Variants in PRRC2B observed in about 807,000 individuals in gnomAD.
The protein encoded by PRRC2B is proline rich coiled-coil 2B, also known as protein PRRC2B.
In PRRC2B, 68 loss-of-function variants were observed where a neutral mutation model predicts 242.3. The observed-to-expected ratio is 0.28, with a 90% CI of 0.23 to 0.34. The LOEUF is 0.34. Ranked by LOEUF, PRRC2B falls within the 10% of genes least tolerant of loss-of-function variation. PRRC2B has a pLI of 1.00. For missense variants in PRRC2B, 2,835 were observed against 2,954.8 expected (o/e 0.96, Z 0.94); for synonymous variants, 1,228 against 1,173.6 (o/e 1.05, Z -0.95).
intron 11 of PRRC2B, among the ~76,000 whole-genome samples, chr9:131,463,853 G>A (rs890970896): frequency 6.6e-6 from 1 of 151,588 alleles, no homozygotes; most frequent in Non-Finnish European, 1.5e-5. Flanking sequence ...GGCTGGTCTC[G>A]AGCTCCTAGG....
intron 19 of PRRC2B, among the ~76,000 whole-genome samples, chr9:131,480,222 ACT>A (rs1943818685): frequency 6.6e-6 from 1 of 152,232 alleles, no homozygotes; most frequent in South Asian, 2.1e-4. Context: ...CACCCGAGAC[ACT>A]GAGTTCTGGG....
intron 1 of PRRC2B, among the ~76,000 whole-genome samples, chr9:131,414,700 G>C (rs1195895713): frequency 2.6e-5 from 4 of 151,614 alleles, no homozygotes; most frequent in African/African-American, 9.7e-5. Flanking sequence ...CTCCCAAGTA[G>C]CTGGGACTAC....
rs754297872 is a variant in PRRC2B, at chr9:131,484,719, C to T, written c.5494C>T (p.Arg1832Trp). ...AACACAGAGTATCCCCATCCTGCGG[C>T]GGGACCATCACATCCAGAGGGCCAT... ...GLTQSIPILR[R>W]DHHIQRAIGL... Residue 1832 changes from arginine (R) to tryptophan (W), a missense_variant, in exon 24 of 32, where the codon CGG (arginine) becomes TGG (tryptophan). By Grantham distance (101) the Arg-to-Trp change is moderately radical. Coordinates refer to ENST00000683519, the MANE Select transcript of PRRC2B (RefSeq NM_013318.4). The T allele has an allele frequency of 1.9e-6, 3 of 1,612,652 alleles. No individual in the cohort carries two copies. The highest frequency in any genetic ancestry group is 2.2e-5 in the East Asian group (1 of 44,852).
intron 4 of PRRC2B, 58 bp downstream of exon 4, chr9:131,436,780 T>G: frequency 7.1e-7 from 1 of 1,407,436 alleles, no homozygotes; most frequent in Non-Finnish European, 1.0e-6. Flanking sequence ...CTAAATCTCT[T>G]TGTTGCTGGG....
At chr9:131,432,866 A>AAACT in intron 3 of PRRC2B, 72 bp downstream of exon 3, 7 of 1,513,886 alleles carry the variant, frequency 4.6e-6, no homozygotes, top group Non-Finnish European at 6.3e-6. Flanking sequence ...TCCCTGTGGC[A>AAACT]AACTAACCCT....
chr9:131,460,149 CCA>C (rs1486206961), intron 11 of PRRC2B, among the ~76,000 whole-genome samples: 10 of 152,130 alleles, frequency 6.6e-5, no homozygotes, highest in African/African-American at 2.4e-4. Context: ...GACATTCCAC[CCA>C]GGTAACTACA....
chr9:131,486,042 G>C (rs1400870570), intron 25 of PRRC2B, 43 bp from the exon 26 acceptor site: 1 of 1,315,848 alleles, frequency 7.6e-7, no homozygotes, highest in Non-Finnish European at 1.1e-6. Flanking sequence ...GAAGTAGTGA[G>C]GCTTGATCCT....
chr9:131,400,244 CCTGA>C (rs962291293), intron 1 of PRRC2B, among the ~76,000 whole-genome samples: 12 of 152,114 alleles, frequency 7.9e-5, no homozygotes, highest in African/African-American at 9.7e-5. Context: ...CGCCACCATG[CCTGA>C]CTAAGTTTTG....
At chr9:131,426,656 T>G (rs1837984697) in intron 1 of PRRC2B, among the ~76,000 whole-genome samples, 1 of 152,140 alleles carries the variant, frequency 6.6e-6, no homozygotes, top group African/African-American at 2.4e-5. Context: ...TGAGCATTGG[T>G]GCCCTTTGCT....
chr9:131,416,205 T>A (rs1588241400), intron 1 of PRRC2B, among the ~76,000 whole-genome samples: 2 of 151,958 alleles, frequency 1.3e-5, no homozygotes, highest in African/African-American at 4.8e-5. Context: ...GCCTCCCAGG[T>A]TCAAGTGATT....
rs755658188 is a variant in PRRC2B, at chr9:131,465,063, C to T, written c.1705C>T (p.Pro569Ser). 4 of 1,613,088 alleles carry T rather than the reference C, an allele frequency of 2.5e-6. No homozygotes were observed. Among genetic ancestry groups the T allele is most frequent in the Admixed American group, 1.7e-5 (1 of 59,972 alleles). The change falls in exon 12 of 32, where the codon CCT (proline) becomes TCT (serine). Residue 569 changes from proline to serine, a missense_variant. Coordinates refer to ENST00000683519, the MANE Select transcript of PRRC2B (RefSeq NM_013318.4). ...AEKASPQENG[P>S]AVHKGSPEFP... ...GAAGGCATCTCCCCAGGAAAACGGCCCTGCTGTCCACAAAGGTAAGAGCTG... is the reference window on the plus strand; with the variant it reads ...GAAGGCATCTCCCCAGGAAAACGGCTCTGCTGTCCACAAAGGTAAGAGCTG...
intron 1 of PRRC2B, among the ~76,000 whole-genome samples, chr9:131,402,935 T>TCCGGGAAG (rs1837263196): frequency 6.6e-6 from 1 of 152,188 alleles, no homozygotes; most frequent in African/African-American, 2.4e-5. Flanking sequence ...TGACTGTGCC[T>TCCGGGAAG]CCGGGAAGCC....
intron 1 of PRRC2B, among the ~76,000 whole-genome samples, chr9:131,396,719 A>G (rs1024735980): frequency 4.0e-5 from 6 of 151,658 alleles, no homozygotes; most frequent in Admixed American, 2.6e-4. Flanking sequence ...ATGTTTTGCT[A>G]TGGTGACTAT....
rs1944324605 is a variant in PRRC2B, at chr9:131,495,994, G to A, written c.*120G>A. 1 of 1,367,312 alleles carries A rather than the reference G, an allele frequency of 7.3e-7. No individual in the cohort carries two copies. The highest frequency in any genetic ancestry group is 9.9e-7 in the Non-Finnish European group (1 of 1,009,498). The allele number at this position is 1,367,312 out of a possible 1,614,324, so 84.7% of individuals were successfully genotyped here. ...CGTCCAAATGCGTGGCCCAGACTGAGAGACCTCCCTCCTCTCCACTCCCGA... is the reference window on the plus strand; with the variant it reads ...CGTCCAAATGCGTGGCCCAGACTGAAAGACCTCCCTCCTCTCCACTCCCGA... On this transcript the variant is annotated 3_prime_UTR_variant, in exon 32 of 32. Coordinates refer to ENST00000683519, the MANE Select transcript of PRRC2B (RefSeq NM_013318.4).
chr9:131,430,473 A>G (rs1838104098), intron 2 of PRRC2B, among the ~76,000 whole-genome samples: 1 of 146,074 alleles, frequency 6.8e-6, no homozygotes, highest in African/African-American at 2.7e-5. Context: ...TCCATCTATT[A>G]CCTTATTGAA....
At chr9:131,423,360 A>G (rs1243903224) in intron 1 of PRRC2B, among the ~76,000 whole-genome samples, 1 of 152,108 alleles carries the variant, frequency 6.6e-6, no homozygotes, top group East Asian at 1.9e-4. Context: ...CTGCCTCCGG[A>G]TAGGCTAGTT....
At chr9:131,425,452 C>T (rs1837952000) in intron 1 of PRRC2B, among the ~76,000 whole-genome samples, 1 of 151,984 alleles carries the variant, frequency 6.6e-6, no homozygotes, top group Non-Finnish European at 1.5e-5. Flanking sequence ...AAAGTAGAGG[C>T]CAGGGCAAAC....
At chr9:131,450,451 G>C (rs548421906) in intron 9 of PRRC2B, among the ~76,000 whole-genome samples, 1 of 152,170 alleles carries the variant, frequency 6.6e-6, no homozygotes, top group East Asian at 1.9e-4. Context: ...ATTTTTAGTA[G>C]AGACAGGGTT....
At position 131,470,837 on chromosome 9, in the gene PRRC2B, C is replaced by T. The variant is rs901210523; in HGVS notation, c.1961C>T (p.Ser654Phe). ...TGGCAGCCGGTGTACCCCCCGCCGT[C>T]CCACCCCCAGCGCACCTTTTACCCA... Reference protein sequence around the residue: ...QHWQPVYPPPSHPQRTFYPHH... With the variant: ...QHWQPVYPPPFHPQRTFYPHH... The change falls in exon 14 of 32, where the codon TCC becomes TTC. Residue 654 changes from serine to phenylalanine, a missense_variant. Physicochemically the swap from Ser to Phe is radical, Grantham distance 155 (BLOSUM62 -2). Coordinates refer to ENST00000683519, the MANE Select transcript of PRRC2B (RefSeq NM_013318.4). The T allele has an allele frequency of 5.1e-6, 8 of 1,559,516 alleles. No homozygotes were observed. The highest frequency in any genetic ancestry group is 7.0e-6 in the Non-Finnish European group (8 of 1,135,846).
Sources: gnomAD v4.1 joint callset for allele counts (sites outside exome capture counted in the v4.1 genomes callset) on GRCh38, gnomAD v4.1.1 for gene constraint, MANE v1.5 for transcripts, NCBI Gene and HGNC (gene_info 2026-07-23, HGNC 2026-07-21) for gene names.